The following SATB2 variants were observed in gnomAD, a reference collection of about 807,000 sequenced individuals.
SATB2 encodes the protein SATB homeobox 2, also known as DNA-binding protein SATB2.
In SATB2, 1 loss-of-function variant was observed where a neutral mutation model predicts 73.4. The observed-to-expected ratio is 0.01, with a 90% CI of 0.00 to 0.06. SATB2 has a LOEUF of 0.06. SATB2 is among the 10% of genes least tolerant of loss of function. The pLI, the probability that SATB2 is intolerant of heterozygous loss-of-function variation, is 1.00. For missense variants in SATB2, 459 were observed against 945.8 expected, an observed-to-expected ratio of 0.49 and a Z score of 6.75; for synonymous variants, 397 against 367.0, an observed-to-expected ratio of 1.08 and a Z score of -0.93.
rs1165209199 is a variant in SATB2, at chr2:199,418,722, A to G, written c.346+14616T>C. On this transcript the variant is annotated intron_variant, in intron 3 of 10. Coordinates refer to ENST00000417098, the MANE Select transcript of SATB2 (RefSeq NM_001172509.2). ...CACGTAATAGAAAATGTACCCAAAAAGAAAGCATTACATAAAGCATCTAAT... is the reference window on the plus strand; with the variant it reads ...CACGTAATAGAAAATGTACCCAAAAGGAAAGCATTACATAAAGCATCTAAT... Among the ~76,000 whole-genome samples, 6 of 152,234 alleles carry G rather than the reference A, an allele frequency of 3.9e-5. No individual in the cohort carries two copies. The East Asian group carries it at 9.6e-4, about 24-fold the overall frequency.
At chr2:199,325,572 C>T (rs540533868) in intron 8 of SATB2, 1 of 152,278 alleles carries the variant, frequency 6.6e-6, no homozygotes, top group Admixed American at 6.5e-5. Flanking sequence ...TTCTAGTTAA[C>T]CCACAGTGCT....
intron 3 of SATB2, among the ~76,000 whole-genome samples, chr2:199,385,694 CTTG>C (rs370273040): frequency 6.6e-6 from 1 of 152,326 alleles, no homozygotes; most frequent in African/African-American, 2.4e-5. Flanking sequence ...TCTCACTCTT[CTTG>C]TTATCACACT....
chr2:199,471,013 C>G lies in SATB2; in HGVS notation c.-141+1G>C, dbSNP rs2105974154. 6.6e-6 allele frequency: 1 copy of G among 152,588 alleles called. No individual in the cohort carries two copies. The highest frequency in any genetic ancestry group is 3.4e-3 in the Middle Eastern group (1 of 294). 9.5% of individuals were successfully genotyped at this position (152,588 alleles called of 1,614,324 possible). A position where few individuals can be genotyped will look rare whatever the true frequency, so the allele number is the denominator to read the frequency against. On this transcript the variant is annotated splice_donor_variant, in intron 1 of 11. Transcript: ENST00000457245. LOFTEE classifies it low-confidence loss of function (5UTR_SPLICE). The stretch of plus-strand genomic sequence containing the variant: ...AGGGGCTGGGGGACTCCTCTGCTCA[C>G]CTTAGTCCTTGATTTCGAAGGCCCC...
intron 3 of SATB2, among the ~76,000 whole-genome samples, chr2:199,388,874 T>A (rs1032250534): frequency 6.6e-6 from 1 of 152,180 alleles, no homozygotes; most frequent in Admixed American, 6.5e-5. Context: ...GGAGAACTCA[T>A]GACATTGATT....
intron 5 of SATB2, among the ~76,000 whole-genome samples, chr2:199,379,499 G>C (rs535001370): frequency 1.3e-5 from 2 of 151,934 alleles, no homozygotes; most frequent in Non-Finnish European, 2.9e-5. Context: ...TTTGAAACAG[G>C]GGGGTGGGGA....
chr2:199,436,148 T>TA (rs1409283487), intron 2 of SATB2, among the ~76,000 whole-genome samples: 3 of 152,186 alleles, frequency 2.0e-5, no homozygotes, highest in Non-Finnish European at 4.4e-5. Flanking sequence ...CTCCATTACT[T>TA]AGAAACTATA....
intron 2 of SATB2, among the ~76,000 whole-genome samples, chr2:199,441,809 C>G (rs988933535): frequency 4.6e-5 from 7 of 152,198 alleles, no homozygotes; most frequent in East Asian, 1.9e-4. Context: ...CTCCAGGTCT[C>G]TAAACATCCT....
chr2:199,282,415 C>T (rs1438352773), intron 10 of SATB2, among the ~76,000 whole-genome samples: 1 of 151,958 alleles, frequency 6.6e-6, no homozygotes, highest in Admixed American at 6.5e-5. Flanking sequence ...ATTGTATACA[C>T]GTGGTAAGGA....
At chr2:199,303,247 T>C (rs1687336310) in intron 10 of SATB2, among the ~76,000 whole-genome samples, 1 of 152,120 alleles carries the variant, frequency 6.6e-6, no homozygotes, top group Non-Finnish European at 1.5e-5. Flanking sequence ...TATTAATAGA[T>C]AAAAACCAAC....
At chr2:199,407,503 A>G (rs1258487042) in intron 3 of SATB2, among the ~76,000 whole-genome samples, 3 of 152,150 alleles carry the variant, frequency 2.0e-5, no homozygotes, top group African/African-American at 7.2e-5. Context: ...AGCCCAGGAG[A>G]TCTAAGATAA....
chr2:199,349,839 G>C (rs893782286), intron 6 of SATB2, among the ~76,000 whole-genome samples: 1 of 152,042 alleles, frequency 6.6e-6, no homozygotes, highest in Non-Finnish European at 1.5e-5. Flanking sequence ...TTCTCCTCAG[G>C]TTATCTGCTT....
At chr2:199,386,128 T>C (rs568154337) in intron 3 of SATB2, among the ~76,000 whole-genome samples, 40 of 152,268 alleles carry the variant, frequency 2.6e-4, no homozygotes, top group African/African-American at 9.4e-4. Flanking sequence ...TCCAAAATCC[T>C]TGGAGAACCA....
chr2:199,432,391 A>G (rs1691529591), intron 3 of SATB2, among the ~76,000 whole-genome samples: 1 of 152,242 alleles, frequency 6.6e-6, no homozygotes, highest in Admixed American at 6.5e-5. Flanking sequence ...TTATTGGTAC[A>G]AATGAGGCTC....
At position 199,271,819 on chromosome 2, in the gene SATB2, T is replaced by G; in HGVS notation, c.*392A>C. Reference sequence around the variant, plus strand: ...ATACATATACATATACACACACACTTGTAGCTTCCTTCATTTATTTCATAG... The same window carrying G: ...ATACATATACATATACACACACACTGGTAGCTTCCTTCATTTATTTCATAG... On this transcript the variant is annotated 3_prime_UTR_variant, in exon 11 of 11. Coordinates refer to ENST00000417098, the MANE Select transcript of SATB2 (RefSeq NM_001172509.2). 1 of 306,884 alleles carries G rather than the reference T, an allele frequency of 3.3e-6. No homozygotes were observed. Among genetic ancestry groups the G allele is most frequent in the South Asian group, 3.2e-5 (1 of 30,816 alleles). 19.0% of individuals were successfully genotyped at this position (306,884 alleles called of 1,614,324 possible).
At chr2:199,382,344 C>G (rs776413162) in intron 3 of SATB2, among the ~76,000 whole-genome samples, 2 of 152,164 alleles carry the variant, frequency 1.3e-5, no homozygotes, top group Non-Finnish European at 2.9e-5. Context: ...TGCGTTTCAG[C>G]AGGCAGTGGG....
chr2:199,439,612 A>G (rs1056521174), intron 2 of SATB2, among the ~76,000 whole-genome samples: 3 of 152,328 alleles, frequency 2.0e-5, no homozygotes, highest in Admixed American at 2.0e-4. Context: ...AAAGTGAGGG[A>G]TGGCTACTAT....
intron 7 of SATB2, among the ~76,000 whole-genome samples, chr2:199,345,570 A>G (rs141075145): frequency 6.6e-6 from 1 of 152,242 alleles, no homozygotes; most frequent in African/African-American, 2.4e-5. Context: ...GATTCCCTTC[A>G]TAATTACACC....
chr2:199,307,619 T>C (rs536862253), intron 10 of SATB2, among the ~76,000 whole-genome samples: 2 of 152,328 alleles, frequency 1.3e-5, no homozygotes, highest in Admixed American at 1.3e-4. Flanking sequence ...CTCTGCGACT[T>C]TGGCCCTGGA....
chr2:199,442,555 T>C (rs1356189293), intron 2 of SATB2, among the ~76,000 whole-genome samples: 1 of 152,078 alleles, frequency 6.6e-6, no homozygotes, highest in South Asian at 2.1e-4. Context: ...TTAATGATCC[T>C]AGAATTTAAA....
Sources: allele counts gnomAD v4.1 joint callset (sites outside exome capture counted in the v4.1 genomes callset), GRCh38; gene constraint gnomAD v4.1.1; transcripts MANE v1.5; gene names NCBI Gene and HGNC (gene_info 2026-07-23, HGNC 2026-07-21).